The following AGTPBP1 variants were observed in gnomAD, a reference collection of about 807,000 sequenced individuals.
The protein encoded by AGTPBP1 is cytosolic carboxypeptidase 1.
AGTPBP1 carries 70 observed loss-of-function variants against 143.9 expected under a neutral mutation model. The observed-to-expected ratio is 0.49, with a 90% CI of 0.40 to 0.59. The LOEUF is 0.59. AGTPBP1 is among the 20% of genes least tolerant of loss of function. The pLI, the probability that AGTPBP1 is intolerant of heterozygous loss-of-function variation, is 0.00. For missense variants in AGTPBP1, 1,229 were observed against 1,464.5 expected (o/e 0.84, Z 2.62); for synonymous variants, 463 against 500.2 (o/e 0.93, Z 0.99).
chr9:85,779,539 G>C, the AGTPBP1 span, among the ~76,000 whole-genome samples: 9 of 152,108 alleles, frequency 5.9e-5, no homozygotes, highest in Non-Finnish European at 1.0e-4. Flanking sequence ...GTTCTCACCA[G>C]ATTAAGGGTG....
chr9:85,678,459 T>A, intron 4 of AGTPBP1, 61 bp from the exon 5 acceptor site: 2 of 1,116,982 alleles, frequency 1.8e-6, no homozygotes, highest in Non-Finnish European at 2.6e-6. Flanking sequence ...GACTTTTGAA[T>A]CCACTGGGAA....
the AGTPBP1 span, among the ~76,000 whole-genome samples, chr9:85,751,037 G>T: frequency 6.6e-6 from 1 of 152,154 alleles, no homozygotes; most frequent in East Asian, 1.9e-4. Context: ...AGCAAGGCTG[G>T]GCAATTGTAT....
intron 23 of AGTPBP1, among the ~76,000 whole-genome samples, chr9:85,585,081 T>C (rs1180894133): frequency 6.6e-6 from 1 of 152,108 alleles, no homozygotes; most frequent in Non-Finnish European, 1.5e-5. Context: ...ATTATAAGCC[T>C]ACAGTAATGA....
intron 17 of AGTPBP1, among the ~76,000 whole-genome samples, chr9:85,606,041 C>G (rs915834969): frequency 3.9e-5 from 6 of 151,904 alleles, no homozygotes; most frequent in Admixed American, 1.3e-4. Flanking sequence ...TAAGTCCTTA[C>G]CTATCAATAA....
chr9:85,613,287 T>C (rs1295121735), intron 17 of AGTPBP1, among the ~76,000 whole-genome samples: 4 of 150,194 alleles, frequency 2.7e-5, no homozygotes, highest in Admixed American at 1.3e-4. Flanking sequence ...TACCAGAAGT[T>C]AGAAAAAGAA....
chr9:85,605,437 A>G (rs1406006668), intron 17 of AGTPBP1, among the ~76,000 whole-genome samples: 1 of 152,154 alleles, frequency 6.6e-6, no homozygotes, highest in African/African-American at 2.4e-5. Flanking sequence ...ACTTCCCCAG[A>G]CAAAAAAAAG....
the AGTPBP1 span, among the ~76,000 whole-genome samples, chr9:85,789,853 G>A: frequency 1.3e-5 from 2 of 152,132 alleles, no homozygotes; most frequent in Non-Finnish European, 2.9e-5. Context: ...GACTATCAGG[G>A]AGTGAAATCC....
intron 21 of AGTPBP1, among the ~76,000 whole-genome samples, chr9:85,587,470 C>T (rs1828687689): frequency 6.6e-6 from 1 of 151,974 alleles, no homozygotes; most frequent in African/African-American, 2.4e-5. Context: ...GTAAAGCTAT[C>T]ATGCAAATAA....
intron 20 of AGTPBP1, 129 bp from the exon 21 acceptor site, chr9:85,588,607 G>T: frequency 1.1e-6 from 1 of 899,486 alleles, no homozygotes; most frequent in Non-Finnish European, 1.7e-6. Context: ...ACCCAATGGT[G>T]CATCCTACAA....
intron 22 of AGTPBP1, among the ~76,000 whole-genome samples, chr9:85,586,549 A>T (rs1828622500): frequency 6.6e-6 from 1 of 152,174 alleles, no homozygotes; most frequent in Non-Finnish European, 1.5e-5. Context: ...ACTCAGAAAT[A>T]AGCTTCTAGT....
Position 85,621,205 on chromosome 9 carries a change from G to A in AGTPBP1, c.2096C>T (p.Pro699Leu). The change falls in exon 15 of 26, where the codon CCA becomes CTA. Residue 699 changes from proline to leucine, a missense_variant. By Grantham distance (98) the Pro-to-Leu change is moderately conservative (BLOSUM62 -3). Coordinates refer to ENST00000357081, the MANE Select transcript of AGTPBP1 (RefSeq NM_001330701.2). ...IDRVVYDLDN[P>L]NYTIPEEGDI... is the part of the protein sequence containing the mutation. The stretch of plus-strand genomic sequence containing the variant: ...GTTCATTAAAATCAAGACTTACTTT[G>A]GGTTATCCAAGTCATATACCACACG... 1.4e-6 allele frequency: 2 copies of A among 1,446,064 alleles called. No individual in the cohort carries two copies. The highest frequency in any genetic ancestry group is 9.1e-7 in the Non-Finnish European group (1 of 1,099,406). The allele number at this position is 1,446,064 out of a possible 1,614,324, so 89.6% of individuals were successfully genotyped here.
chr9:85,774,241 C>T, the AGTPBP1 span, among the ~76,000 whole-genome samples: 1 of 152,184 alleles, frequency 6.6e-6, no homozygotes, highest in Non-Finnish European at 1.5e-5. Context: ...AATGCCATCC[C>T]TTCTGCCTGC....
chr9:85,736,354 T>C (rs1053482953), intron 1 of AGTPBP1, among the ~76,000 whole-genome samples: 2 of 152,204 alleles, frequency 1.3e-5, no homozygotes, highest in African/African-American at 4.8e-5. Context: ...CAGTGATCTT[T>C]TGATACATGT....
chr9:85,752,889 T>C, the AGTPBP1 span, among the ~76,000 whole-genome samples: 2 of 152,070 alleles, frequency 1.3e-5, no homozygotes, highest in African/African-American at 4.8e-5. Flanking sequence ...GTGGTACACA[T>C]CTGTAGTCCT....
chr9:85,748,928 C>T, the AGTPBP1 span, among the ~76,000 whole-genome samples: 1 of 148,342 alleles, frequency 6.7e-6, no homozygotes, highest in Admixed American at 6.8e-5. Flanking sequence ...CTGTCTTCTT[C>T]AAAGAGTAGA....
chr9:85,697,338 T>C (rs1050671798), intron 2 of AGTPBP1, among the ~76,000 whole-genome samples: 5 of 152,032 alleles, frequency 3.3e-5, no homozygotes, highest in African/African-American at 1.2e-4. Context: ...TAGGAAACCA[T>C]AGTTATTTTT....
chr9:85,795,856 G>GTTTTTTTTTTTT, the AGTPBP1 span, among the ~76,000 whole-genome samples: 3 of 70,670 alleles, frequency 4.2e-5, no homozygotes, highest in African/African-American at 1.1e-4. Flanking sequence ...CTTCTTCTTA[G>GTTTTTTTTTTTT]TTTTTTTTTT....
chr9:85,804,344 T>A, the AGTPBP1 span, among the ~76,000 whole-genome samples: 1 of 152,194 alleles, frequency 6.6e-6, no homozygotes, highest in Non-Finnish European at 1.5e-5. Context: ...TGTAAAACTC[T>A]CCCTGTCTCC....
intron 12 of AGTPBP1, 98 bp from the exon 13 acceptor site, chr9:85,643,041 T>C (rs776811440): frequency 1.3e-6 from 1 of 761,156 alleles, no homozygotes; most frequent in Non-Finnish European, 2.2e-6. Flanking sequence ...ATTAATTACA[T>C]GTAATTAAAG....
Sources: gnomAD v4.1 joint callset for allele counts (sites outside exome capture counted in the v4.1 genomes callset) on GRCh38, gnomAD v4.1.1 for gene constraint, MANE v1.5 for transcripts, NCBI Gene and HGNC (gene_info 2026-07-23, HGNC 2026-07-21) for gene names.